The following NOX4 variants were observed in gnomAD, a reference collection of about 807,000 sequenced individuals.
NOX4 encodes the protein kidney oxidase-1.
NOX4 carries 69 observed loss-of-function variants against 87.6 expected under a neutral mutation model. The ratio of observed to expected loss-of-function variants is 0.79; its 90% CI spans 0.65 to 0.96. NOX4 has a LOEUF of 0.96. Ranked by LOEUF, NOX4 falls within the 40% of genes least tolerant of loss-of-function variation. NOX4 has a pLI of 0.00. For synonymous variants in NOX4, 275 were observed against 238.2 expected (o/e 1.15, Z -1.42); for missense variants, 680 against 681.5 (o/e 1.00, Z 0.02).
At position 89,342,032 on chromosome 11, in the gene NOX4, A is replaced by G. The variant is rs745547843; in HGVS notation, c.1337+42T>C. Reference sequence around the variant, plus strand: ...AAAGAGAGATATCAGAAATATTGGCAGTTCTCTATTTGGATTAACAAAATA... The same window carrying G: ...AAAGAGAGATATCAGAAATATTGGCGGTTCTCTATTTGGATTAACAAAATA... On this transcript the variant is annotated intron_variant, in intron 14 of 17. Coordinates refer to ENST00000263317, the MANE Select transcript of NOX4 (RefSeq NM_016931.5). 6 of 1,494,592 alleles carry G rather than the reference A, an allele frequency of 4.0e-6. No homozygotes were observed. The Admixed American group carries it at 1.2e-4, about 30-fold the overall frequency. 92.6% of individuals were successfully genotyped at this position (1,494,592 alleles called of 1,614,324 possible). A position where few individuals can be genotyped will look rare whatever the true frequency, so the allele number is the denominator to read the frequency against.
At chr11:89,577,284 G>A in the NOX4 span, 2 of 151,994 alleles carry the variant, frequency 1.3e-5, no homozygotes, top group East Asian at 1.9e-4. Flanking sequence ...CATTCTCAAT[G>A]ATGATATATA....
At chr11:89,383,681 G>C (rs1940465232) in intron 11 of NOX4, among the ~76,000 whole-genome samples, 1 of 152,030 alleles carries the variant, frequency 6.6e-6, no homozygotes, top group Non-Finnish European at 1.5e-5. Context: ...ATGCCAACTT[G>C]GACAACATTC....
intron 9 of NOX4, among the ~76,000 whole-genome samples, 181 bp from the exon 10 acceptor site, chr11:89,400,560 A>G (rs1274053218): frequency 6.6e-6 from 1 of 152,136 alleles, no homozygotes; most frequent in African/African-American, 2.4e-5. Context: ...AAACAAAAGT[A>G]TAAAATAAAA....
At chr11:89,564,599 C>G in the NOX4 span, among the ~76,000 whole-genome samples, 1 of 152,024 alleles carries the variant, frequency 6.6e-6, no homozygotes, top group Non-Finnish European at 1.5e-5. Context: ...AACTGGGTAG[C>G]CTTTTCATAA....
intron 13 of NOX4, among the ~76,000 whole-genome samples, chr11:89,342,677 A>C (rs766580002): frequency 1.3e-5 from 2 of 152,150 alleles, no homozygotes; most frequent in Non-Finnish European, 2.9e-5. Context: ...AAAGAATCTA[A>C]CACTGTCCCT....
intron 7 of NOX4, among the ~76,000 whole-genome samples, chr11:89,432,215 G>A (rs1031059513): frequency 1.3e-5 from 2 of 151,970 alleles, no homozygotes; most frequent in African/African-American, 4.8e-5. Flanking sequence ...GTTGGGAGAG[G>A]GGGAGGGACA....
intron 2 of NOX4, among the ~76,000 whole-genome samples, chr11:89,484,161 G>C (rs947652105): frequency 1.3e-5 from 2 of 151,988 alleles, no homozygotes; most frequent in Non-Finnish European, 2.9e-5. Flanking sequence ...ATAAAGATTT[G>C]ACTATCTTTG....
intron 17 of NOX4, among the ~76,000 whole-genome samples, chr11:89,331,948 G>T (rs1251408684): frequency 1.3e-5 from 2 of 148,568 alleles, no homozygotes. Flanking sequence ...AGGAATCTTT[G>T]CAATTCATTT....
At chr11:89,486,384 C>T (rs1054564528) in intron 2 of NOX4, among the ~76,000 whole-genome samples, 5 of 146,396 alleles carry the variant, frequency 3.4e-5, no homozygotes, top group African/African-American at 9.8e-5. Context: ...CCTCCAAACT[C>T]CTGGGCTCAA....
the NOX4 span, among the ~76,000 whole-genome samples, chr11:89,529,908 T>A: frequency 6.6e-6 from 1 of 152,160 alleles, no homozygotes; most frequent in Admixed American, 6.5e-5. Context: ...GGCTCCCATT[T>A]CACTCAATTT....
At chr11:89,407,410 A>C (rs1196074043) in intron 8 of NOX4, among the ~76,000 whole-genome samples, 1 of 152,052 alleles carries the variant, frequency 6.6e-6, no homozygotes, top group Non-Finnish European at 1.5e-5. Context: ...TTAATGTTTT[A>C]AGTTTCATTA....
chr11:89,334,271 T>C (rs12289133), intron 17 of NOX4, among the ~76,000 whole-genome samples: 11,356 of 151,738 alleles, frequency 0.075, 744 homozygotes, highest in African/African-American at 0.17. Flanking sequence ...TGGAGAAAGA[T>C]GGGAAAGGAA....
upstream of NOX4, among the ~76,000 whole-genome samples, chr11:89,498,356 C>T (rs554682531): frequency 2.0e-5 from 3 of 152,136 alleles, no homozygotes; most frequent in South Asian, 4.1e-4. Flanking sequence ...ATATAAACAT[C>T]ATTTAGTTGC....
intron 7 of NOX4, among the ~76,000 whole-genome samples, chr11:89,426,638 C>T (rs981746421): frequency 6.6e-6 from 1 of 152,170 alleles, no homozygotes; most frequent in African/African-American, 2.4e-5. Flanking sequence ...GCACAGCAGT[C>T]TGAGATCGAA....
At chr11:89,349,144 C>A (rs921698176) in intron 13 of NOX4, among the ~76,000 whole-genome samples, 2 of 151,606 alleles carry the variant, frequency 1.3e-5, no homozygotes, top group African/African-American at 4.8e-5. Flanking sequence ...AAAATTAGCC[C>A]GGCATGGTGG....
intron 11 of NOX4, among the ~76,000 whole-genome samples, chr11:89,382,164 A>C (rs551413479): frequency 6.6e-6 from 1 of 151,196 alleles, no homozygotes; most frequent in African/African-American, 2.4e-5. Flanking sequence ...GGTACCCCCC[A>C]CCCCTTCTCT....
intron 2 of NOX4, among the ~76,000 whole-genome samples, chr11:89,480,499 G>A (rs1777260753): frequency 1.3e-5 from 2 of 152,076 alleles, no homozygotes; most frequent in Non-Finnish European, 2.9e-5. Flanking sequence ...TTTTCCTGGG[G>A]TATAAAACAG....
chr11:89,395,379 G>T (rs1239581444), intron 11 of NOX4, among the ~76,000 whole-genome samples: 3 of 152,166 alleles, frequency 2.0e-5, no homozygotes, highest in Admixed American at 2.0e-4. Context: ...ATGTGTCTAA[G>T]TTCTTTGTAG....
the NOX4 span, among the ~76,000 whole-genome samples, chr11:89,515,608 C>T: frequency 6.6e-6 from 1 of 151,072 alleles, no homozygotes; most frequent in Non-Finnish European, 1.5e-5. Flanking sequence ...AGTTATGTTT[C>T]TCTGTTCTAT....
Sources: gnomAD v4.1 joint callset for allele counts (sites outside exome capture counted in the v4.1 genomes callset) on GRCh38, gnomAD v4.1.1 for gene constraint, MANE v1.5 for transcripts, NCBI Gene and HGNC (gene_info 2026-07-23, HGNC 2026-07-21) for gene names.